Variants in ERC1 observed in about 807,000 individuals in gnomAD.
The protein encoded by ERC1 is RAB6 interacting protein 2.
ERC1 carries 56 observed loss-of-function variants against 132.0 expected under a neutral mutation model. The ratio of observed to expected loss-of-function variants is 0.42; its 90% CI spans 0.34 to 0.53. The LOEUF is 0.53. Among genes scored for constraint, ERC1 ranks in the 20% least tolerant of loss-of-function variants. The probability of loss-of-function intolerance (pLI) is 0.03; values close to 1 mark genes in which losing one functional copy is unlikely to be tolerated. For synonymous variants in ERC1, 478 were observed against 476.1 expected, an observed-to-expected ratio of 1.00 and a Z score of -0.05; for missense variants, 1,202 against 1,349.9, an observed-to-expected ratio of 0.89 and a Z score of 1.72.
chr12:1,016,581 G>A (rs1221241903), intron 1 of ERC1, among the ~76,000 whole-genome samples: 1 of 151,234 alleles, frequency 6.6e-6, no homozygotes, highest in African/African-American at 2.4e-5. Context: ...CGAGACTGGG[G>A]CTGTTTTTCT....
chr12:1,234,339 A>C (rs1224976011), intron 12 of ERC1, among the ~76,000 whole-genome samples: 4 of 152,230 alleles, frequency 2.6e-5, no homozygotes, highest in African/African-American at 9.6e-5. Flanking sequence ...AGAGTAAACA[A>C]CTGCTACTTT....
At chr12:1,440,600 T>TTGTGTGTGTGTGTGTGTGTGTGTG (rs56749397) in intron 17 of ERC1, among the ~76,000 whole-genome samples, 2 of 51,160 alleles carry the variant, frequency 3.9e-5, no homozygotes, top group East Asian at 6.6e-4. Context: ...CCTCAGCCTT[T>TTGTGTGTGTGTGTGTGTGTGTGTG]TGTGTGTGTG....
intron 18 of ERC1, among the ~76,000 whole-genome samples, chr12:1,484,916 T>A (rs2094178886): frequency 6.6e-6 from 1 of 151,076 alleles, no homozygotes; most frequent in Non-Finnish European, 1.5e-5. Context: ...GGTCTCGCTG[T>A]GTTGCGCAGG....
chr12:1,495,878 CT>C lies in ERC1; in HGVS notation c.*5654del. ...ATTGTAAACACTTTGTTCATTTTTT[CT>C]TTTTTATTCACAAACTAAATCCACC... On this transcript the variant is annotated 3_prime_UTR_variant, in exon 19 of 19. Transcript: ENST00000360905. 5.3e-6 allele frequency: 1 copy of C among 190,406 alleles called. No individual in the cohort carries two copies. The highest frequency in any genetic ancestry group is 1.1e-5 in the Non-Finnish European group (1 of 90,834). 11.8% of individuals were successfully genotyped at this position (190,406 alleles called of 1,614,324 possible).
chr12:1,199,700 C>T (rs1392257714), intron 12 of ERC1, among the ~76,000 whole-genome samples: 2 of 151,894 alleles, frequency 1.3e-5, no homozygotes, highest in Non-Finnish European at 2.9e-5. Flanking sequence ...ATTGCTTGAA[C>T]CTGGGAGGCA....
intron 3 of ERC1, among the ~76,000 whole-genome samples, chr12:1,085,209 A>C (rs1305484383): frequency 1.3e-4 from 3 of 23,450 alleles, no homozygotes; most frequent in African/African-American, 5.3e-4. Flanking sequence ...CTGGCCCATT[A>C]TTATTATTAT....
chr12:1,265,453 T>C (rs1388089502), intron 14 of ERC1, among the ~76,000 whole-genome samples: 1 of 152,176 alleles, frequency 6.6e-6, no homozygotes, highest in Non-Finnish European at 1.5e-5. Context: ...TGCAGAAAAA[T>C]TGAGCAGAAA....
intron 16 of ERC1, chr12:1,386,074 C>G (rs1423789250): frequency 8.2e-6 from 1 of 122,198 alleles, no homozygotes; most frequent in African/African-American, 3.0e-5. Flanking sequence ...GAGTCTTGCT[C>G]TTTCGACCAA....
intron 15 of ERC1, among the ~76,000 whole-genome samples, chr12:1,305,877 T>G (rs1238383051): frequency 6.6e-6 from 1 of 152,178 alleles, no homozygotes; most frequent in Admixed American, 6.5e-5. Context: ...TTTTTGCCAT[T>G]GCTTATGGGA....
intron 2 of ERC1, among the ~76,000 whole-genome samples, chr12:1,081,314 C>G (rs568490933): frequency 6.6e-6 from 1 of 152,268 alleles, no homozygotes; most frequent in Admixed American, 6.5e-5. Flanking sequence ...AGTAGTTCAT[C>G]TGCATTAACA....
At chr12:1,456,231 A>G (rs1305384748) in intron 18 of ERC1, among the ~76,000 whole-genome samples, 2 of 152,218 alleles carry the variant, frequency 1.3e-5, no homozygotes, top group Non-Finnish European at 2.9e-5. Flanking sequence ...AAGAAATTTT[A>G]TGTATCGTGA....
At chr12:1,401,047 T>C (rs1437095566) in intron 16 of ERC1, among the ~76,000 whole-genome samples, 1 of 144,778 alleles carries the variant, frequency 6.9e-6, no homozygotes, top group Non-Finnish European at 1.5e-5. Context: ...GCCATTCTCC[T>C]GCCTCAGCCT....
chr12:1,399,211 C>T (rs1300381407), intron 16 of ERC1, among the ~76,000 whole-genome samples: 1 of 152,018 alleles, frequency 6.6e-6, no homozygotes, highest in Non-Finnish European at 1.5e-5. Context: ...CTCAGCATTC[C>T]AAAGTGCTGG....
chr12:1,478,020 G>A (rs1276357512), intron 18 of ERC1, among the ~76,000 whole-genome samples: 1 of 152,200 alleles, frequency 6.6e-6, no homozygotes. Context: ...GGACATTTGG[G>A]TTGTTCCCAG....
chr12:1,448,935 T>C lies in ERC1; in HGVS notation c.3213+4185T>C, dbSNP rs117937084. Among the ~76,000 whole-genome samples, 479 of 152,368 alleles carry C rather than the reference T, an allele frequency of 3.1e-3. 18 individuals carry two copies. The East Asian group carries it at 0.079, about 25-fold the overall frequency. The stretch of plus-strand genomic sequence containing the variant: ...CATGAAAGCAGCTGGAAGGGGCCTG[T>C]GCCCTGCAGAGCCACAGGGGCAGAG... On this transcript the variant is annotated intron_variant, in intron 18 of 18. Transcript: ENST00000360905.
chr12:1,288,046 G>A lies in ERC1; in HGVS notation c.2620-1806G>A, dbSNP rs181854671. 5.9e-4 allele frequency among the ~76,000 whole-genome samples: 90 copies of A among 152,268 alleles called. 1 individual carries two copies. Among genetic ancestry groups the A allele is most frequent in the Middle Eastern group, 3.4e-3 (1 of 294 alleles). On this transcript the variant is annotated intron_variant, in intron 14 of 18. Transcript: ENST00000360905. ...ACATCTTGAAAAAGACAACAGCTCA[G>A]ATTTTCATAGAGATTATGTTGAACC...
intron 2 of ERC1, among the ~76,000 whole-genome samples, chr12:1,037,310 G>T (rs1222402897): frequency 6.6e-6 from 1 of 152,114 alleles, no homozygotes; most frequent in African/African-American, 2.4e-5. Flanking sequence ...TTAGAGATTT[G>T]CTAATTTACA....
chr12:1,072,508 C>A (rs1048743768), intron 2 of ERC1, among the ~76,000 whole-genome samples: 4 of 151,850 alleles, frequency 2.6e-5, no homozygotes, highest in African/African-American at 9.7e-5. Flanking sequence ...TCTTTACAAA[C>A]ACATGTGCAA....
intron 15 of ERC1, among the ~76,000 whole-genome samples, chr12:1,331,866 A>G (rs1370768923): frequency 3.3e-5 from 5 of 152,102 alleles, no homozygotes; most frequent in Non-Finnish European, 7.3e-5. Flanking sequence ...AGCTTTCTAG[A>G]TCTCTCCTTA....
Sources: allele counts gnomAD v4.1 joint callset (sites outside exome capture counted in the v4.1 genomes callset), GRCh38; gene constraint gnomAD v4.1.1; transcripts MANE v1.5; gene names NCBI Gene and HGNC (gene_info 2026-07-23, HGNC 2026-07-21).